Variants in INPPL1 observed in about 807,000 individuals in gnomAD.
INPPL1 encodes the protein phosphatidylinositol 3,4,5-trisphosphate 5-phosphatase 2.
A neutral mutation model predicts 139.3 loss-of-function variants in INPPL1; 91 were observed. That is an observed-to-expected ratio of 0.65 (90% CI 0.55 to 0.78). The LOEUF is 0.78. Among genes scored for constraint, INPPL1 ranks in the 30% least tolerant of loss-of-function variants. INPPL1 has a pLI of 0.00. For missense variants in INPPL1, 1,411 were observed against 1,665.6 expected (o/e 0.85, Z 2.66); for synonymous variants, 719 against 686.6 (o/e 1.05, Z -0.74).
At position 72,237,186 on chromosome 11, in the gene INPPL1, T is replaced by A. The variant is rs373218917; in HGVS notation, c.2942T>A (p.Phe981Tyr). The change falls in exon 26 of 28, where the codon TTC becomes TAC. Residue 981 changes from phenylalanine to tyrosine, a missense_variant. Phe to Tyr is a conservative substitution (Grantham distance 22). Coordinates refer to ENST00000298229, the MANE Select transcript of INPPL1 (RefSeq NM_001567.4). ...GCGGCCCCCCCACCCAAGAACAGCT[T>A]CAATAACCCTGCCTACTACGTCCTT... Reference protein sequence around the residue: ...GVAAPPPKNSFNNPAYYVLEG... With the variant: ...GVAAPPPKNSYNNPAYYVLEG... 15 of 1,612,730 alleles carry A rather than the reference T, an allele frequency of 9.3e-6. No individual in the cohort carries two copies. Among genetic ancestry groups the A allele is most frequent in the Admixed American group, 1.7e-5 (1 of 59,946 alleles).
intron 25 of INPPL1, among the ~76,000 whole-genome samples, 180 bp from the exon 26 acceptor site, chr11:72,236,944 G>C (rs983170973): frequency 6.6e-6 from 1 of 152,164 alleles, no homozygotes; most frequent in African/African-American, 2.4e-5. Flanking sequence ...CATTCAAAGG[G>C]TTATCCTCCC....
Position 72,235,107 on chromosome 11 carries a change from G to A in INPPL1, c.2416-9G>A. ...GCTTTGTTCCTCACTGGGCCTCCCT[G>A]CTTCCCAGCTCAAACCAATTCTGGC... On this transcript the variant is annotated splice_polypyrimidine_tract_variant and intron_variant, in intron 21 of 27. Coordinates refer to ENST00000298229, the MANE Select transcript of INPPL1 (RefSeq NM_001567.4). The surrounding 1 kb of genome is among the most constrained non-coding windows in gnomAD (Gnocchi z 4.9). 6.2e-7 allele frequency: 1 copy of A among 1,612,860 alleles called. No individual in the cohort carries two copies. Among genetic ancestry groups the A allele is most frequent in the Non-Finnish European group, 8.5e-7 (1 of 1,179,280 alleles).
In INPPL1 at chr11:72,238,081, G is replaced by A. The variant is rs745724027; in HGVS notation, c.3592G>A (p.Glu1198Lys). 9.5e-6 allele frequency: 15 copies of A among 1,575,594 alleles called. No individual in the cohort carries two copies. In the East Asian group the frequency reaches 1.1e-4, roughly 12 times the overall value. Residue 1198 changes from glutamate to lysine, a missense_variant, in exon 27 of 28, where the codon GAG becomes AAG. Glu to Lys is a moderately conservative substitution (Grantham distance 56). Around this residue, in one of 5 missense-constraint regions of INPPL1, gnomAD observed 438 missense variants for 425.7 expected, o/e 1.03. Transcript: ENST00000298229. The stretch of plus-strand genomic sequence containing the variant: ...GGGCGGGCGGGCCAGCGGGCTGGGC[G>A]AGGCAGGCATGAGTGCCTGGCTGCG... The part of the protein sequence containing the change: ...LQGGRASGLG[E>K]AGMSAWLRAI...
rs1221876161 is a variant in INPPL1, at chr11:72,232,285, C to T, written c.1661C>T (p.Ser554Leu). ...VGVSFMFNGTSFGFVNCHLTS... is the reference protein window; with the variant it reads ...VGVSFMFNGTLFGFVNCHLTS... ...GTCTCCTTCATGTTTAATGGCACCT[C>T]ATTTGGCTTTGTGAATTGTCACCTC... Residue 554 changes from serine to leucine, a missense_variant, in exon 14 of 28, where the codon TCA (serine) becomes TTA (leucine). Transcript: ENST00000298229. 6 of 1,556,902 alleles carry T rather than the reference C, an allele frequency of 3.9e-6. No individual in the cohort carries two copies. Among genetic ancestry groups the T allele is most frequent in the Admixed American group, 3.9e-5 (2 of 51,510 alleles).
At chr11:72,238,015 T>G in intron 26 of INPPL1, 27 bp from the exon 27 acceptor site, 2 of 1,517,084 alleles carry the variant, frequency 1.3e-6, no homozygotes, top group South Asian at 2.6e-5. Flanking sequence ...GGCACTCAGC[T>G]CCCCCTGACA....
chr11:72,225,011 C>G lies in INPPL1; in HGVS notation c.27C>G (p.Gly9=). Residue 9 remains glycine (G), a synonymous_variant, in exon 1 of 28, where the codon GGC becomes GGG. Transcript: ENST00000298229. ...TGGCCTCGGCCTGCGGGGCGCCGGG[C>G]CCGGGGGGCGCCCTGGGCAGCCAGG... MASACGAP[G]PGGALGSQAP... is the part of the protein sequence containing the mutation. The G allele has an allele frequency of 8.3e-7, 1 of 1,210,832 alleles. No homozygotes were observed. The highest frequency in any genetic ancestry group is 1.0e-6 in the Non-Finnish European group (1 of 974,950). The allele number at this position is 1,210,832 out of a possible 1,614,324, so 75.0% of individuals were successfully genotyped here. A position where few individuals can be genotyped will look rare whatever the true frequency, so the allele number is the denominator to read the frequency against.
chr11:72,233,354 G>A, intron 17 of INPPL1, 87 bp from the exon 18 acceptor site: 1 of 1,195,230 alleles, frequency 8.4e-7, no homozygotes, highest in Non-Finnish European at 1.2e-6. Flanking sequence ...TAATAGAAGT[G>A]TGGGGACTCA....
intron 13 of INPPL1, 125 bp from the exon 14 acceptor site, chr11:72,232,115 C>T (rs2135431920): frequency 2.6e-6 from 2 of 766,082 alleles, no homozygotes; most frequent in South Asian, 1.6e-5. Context: ...CAGGGGCCTG[C>T]CCATGTCACA....
chr11:72,232,636 A>G lies in INPPL1; in HGVS notation c.1723A>G (p.Asn575Asp). The change falls in exon 15 of 28, where the codon AAC (asparagine) becomes GAC (aspartate). Residue 575 changes from asparagine to aspartate, a missense_variant. This residue lies in a region of INPPL1 where 363 missense variants were observed against 446.2 expected (regional missense o/e 0.81). Coordinates refer to ENST00000298229, the MANE Select transcript of INPPL1 (RefSeq NM_001567.4). ...GNEKTARRNQNYLDILRLLSL... is the reference protein window; with the variant it reads ...GNEKTARRNQDYLDILRLLSL... ...CACCCCTCACCCTAGGAGGAACCAA[A>G]ACTACTTGGACATCCTGCGGCTGCT... 1 of 1,613,214 alleles carries G rather than the reference A, an allele frequency of 6.2e-7. No homozygotes were observed. The highest frequency in any genetic ancestry group is 8.5e-7 in the Non-Finnish European group (1 of 1,179,834).
chr11:72,230,298 G>T, intron 9 of INPPL1, 27 bp downstream of exon 9: 1 of 1,610,830 alleles, frequency 6.2e-7, no homozygotes, highest in Non-Finnish European at 8.5e-7. Context: ...CCTGGGAGGG[G>T]TGGGCAGGGC....
At chr11:72,237,825 G>A in intron 26 of INPPL1, 29 bp downstream of exon 26, 1 of 1,562,438 alleles carries the variant, frequency 6.4e-7, no homozygotes, top group Non-Finnish European at 8.7e-7. Flanking sequence ...CTGTCTGTGT[G>A]TGCCTGAGTG....
rs770931620 is a variant in INPPL1 at position 72,228,238 on chromosome 11, T to A, written c.231T>A (p.Asp77Glu). 2 of 1,614,030 alleles carry A rather than the reference T, an allele frequency of 1.2e-6. No individual in the cohort carries two copies. The highest frequency in any genetic ancestry group is 1.7e-6 in the Non-Finnish European group (2 of 1,179,976). ...HTYRILPDGE[D>E]FLAVQTSQGV... ...ATCGCATTCTGCCTGATGGAGAAGA[T>A]TTCTTGGCTGTGCAGGTAGGAGCTT... is the stretch of plus-strand genomic sequence containing the variant. The change falls in exon 2 of 28, where the codon GAT becomes GAA. Residue 77 changes from aspartate (D) to glutamate (E), a missense_variant. Physicochemically the swap from Asp to Glu is conservative, Grantham distance 45 (BLOSUM62 2). Around this residue, in one of 5 missense-constraint regions of INPPL1, gnomAD observed 504 missense variants for 595.6 expected, o/e 0.85. Coordinates refer to ENST00000298229, the MANE Select transcript of INPPL1 (RefSeq NM_001567.4). This position sits in a 1 kb window ranked among gnomAD's most constrained non-coding sequence, Gnocchi z 5.0.
Position 72,237,413 on chromosome 11 carries a change from C to T in INPPL1, c.3169C>T (p.Pro1057Ser). The T allele has an allele frequency of 1.9e-6, 3 of 1,612,770 alleles. No homozygotes were observed. The highest frequency in any genetic ancestry group is 2.5e-6 in the Non-Finnish European group (3 of 1,179,212). Residue 1057 changes from proline to serine, a missense_variant, in exon 26 of 28, where the codon CCA becomes TCA. Pro to Ser is a moderately conservative substitution (Grantham distance 74). Transcript: ENST00000298229. ...GCCCCCTCCAGACTTTCCACCTCCA[C>T]CACTGCCGGACTCAGCCATCTTCCT... is the stretch of plus-strand genomic sequence containing the variant. Reference protein sequence around the residue: ...TLPPPDFPPPPLPDSAIFLPP... With the variant: ...TLPPPDFPPPSLPDSAIFLPP...
At position 72,235,979 on chromosome 11, in the gene INPPL1, A is replaced by AC; in HGVS notation, c.2877dup (p.Arg960GlnfsTer9). On this transcript the variant is annotated frameshift_variant, in exon 25 of 28. Coordinates refer to ENST00000298229, the MANE Select transcript of INPPL1 (RefSeq NM_001567.4). LOFTEE classifies it high-confidence loss of function. This position sits in a 1 kb window ranked among gnomAD's most constrained non-coding sequence, Gnocchi z 4.9. ...AGCAGCTCCCCGGGAGGAGCCCTTG[A>AC]CCCCCAGGTGAGAGGAGGAACCTGT... 3.9e-6 allele frequency: 6 copies of AC among 1,554,088 alleles called. No individual in the cohort carries two copies. The highest frequency in any genetic ancestry group is 5.2e-6 in the Non-Finnish European group (6 of 1,147,644).
intron 14 of INPPL1, 93 bp downstream of exon 14, chr11:72,232,429 C>A (rs951064934): frequency 4.4e-5 from 57 of 1,281,568 alleles, no homozygotes; most frequent in Non-Finnish European, 2.2e-5. Flanking sequence ...GACCCTCCCG[C>A]AGGCCTGTCT....
intron 1 of INPPL1, among the ~76,000 whole-genome samples, chr11:72,226,225 G>T (rs1168317630): frequency 2.7e-5 from 4 of 147,588 alleles, no homozygotes; most frequent in African/African-American, 7.6e-5. Flanking sequence ...CTGTTGCCCA[G>T]GCTGGAGTGC....
At chr11:72,233,550 G>C in intron 18 of INPPL1, 28 bp downstream of exon 18, 1 of 1,609,854 alleles carries the variant, frequency 6.2e-7, no homozygotes, top group Non-Finnish European at 8.5e-7. Flanking sequence ...AGAGTGATGG[G>C]AGATCTGGGG....
At chr11:72,225,725 G>A (rs940994321) in intron 1 of INPPL1, among the ~76,000 whole-genome samples, 2 of 152,180 alleles carry the variant, frequency 1.3e-5, no homozygotes, top group African/African-American at 4.8e-5. Flanking sequence ...ATGGGACCTT[G>A]CCATTATTTC....
At position 72,234,723 on chromosome 11, in the gene INPPL1, G is replaced by A; in HGVS notation, c.2415+108G>A. 2.9e-6 allele frequency: 2 copies of A among 694,126 alleles called. No homozygotes were observed. The highest frequency in any genetic ancestry group is 5.0e-6 in the Non-Finnish European group (2 of 400,702). 43.0% of individuals were successfully genotyped at this position (694,126 alleles called of 1,614,324 possible). A position where few individuals can be genotyped will look rare whatever the true frequency, so the allele number is the denominator to read the frequency against. ...AGGGAGTGTGGGGCCAGCAGAGAGA[G>A]AGAGAGAGAGTGTGTGTGTGTGTGT... On this transcript the variant is annotated intron_variant, in intron 21 of 27. Transcript: ENST00000298229. The surrounding 1 kb of genome is among the most constrained non-coding windows in gnomAD (Gnocchi z 4.2).
Sources: allele counts gnomAD v4.1 joint callset (sites outside exome capture counted in the v4.1 genomes callset), GRCh38; gene constraint gnomAD v4.1.1; regional missense constraint gnomAD v4.1.1; non-coding constraint Gnocchi (gnomAD v3.1); transcripts MANE v1.5; gene names NCBI Gene and HGNC (gene_info 2026-07-23, HGNC 2026-07-21).